The following STMND1 variants were observed in gnomAD, a reference collection of about 807,000 sequenced individuals.
STMND1 encodes the protein stathmin domain-containing protein 1.
In STMND1, 17 loss-of-function variants were observed where a neutral mutation model predicts 23.0. The observed-to-expected ratio is 0.74, with a 90% confidence interval of 0.51 to 1.11. The LOEUF (loss-of-function observed/expected upper bound fraction) is 1.11. Among genes scored for constraint, STMND1 ranks in the 50% least tolerant of loss-of-function variants. The probability of loss-of-function intolerance (pLI) is 0.00; values close to 1 mark genes in which losing one functional copy is unlikely to be tolerated. For synonymous variants in STMND1, 114 were observed against 119.9 expected (o/e 0.95, Z 0.32); for missense variants, 305 against 329.1 (o/e 0.93, Z 0.57).
intron 1 of STMND1, among the ~76,000 whole-genome samples, chr6:17,114,213 T>G (rs1379501366): frequency 6.6e-6 from 1 of 151,950 alleles, no homozygotes. Context: ...AACTAGACAA[T>G]CCTATCTAGG....
At chr6:17,104,432 A>G (rs1227312515) in intron 1 of STMND1, among the ~76,000 whole-genome samples, 2 of 152,122 alleles carry the variant, frequency 1.3e-5, no homozygotes, top group East Asian at 3.9e-4. Context: ...TACTGCTAAA[A>G]CTAATTTCGT....
At chr6:17,109,984 T>C (rs1761075926) in intron 1 of STMND1, among the ~76,000 whole-genome samples, 1 of 152,228 alleles carries the variant, frequency 6.6e-6, no homozygotes, top group Non-Finnish European at 1.5e-5. Context: ...CTTCAGTGCC[T>C]TCCACTGTCT....
chr6:17,120,865 A>G, intron 3 of STMND1, 107 bp downstream of exon 3: 5 of 907,268 alleles, frequency 5.5e-6, no homozygotes, highest in South Asian at 2.1e-5. Context: ...TACAGATAAC[A>G]GCATTTATTT....
chr6:17,105,132 A>T (rs1286679478), intron 1 of STMND1, among the ~76,000 whole-genome samples: 1 of 152,236 alleles, frequency 6.6e-6, no homozygotes, highest in Non-Finnish European at 1.5e-5. Flanking sequence ...CATAGATTAT[A>T]TGCAAATACT....
chr6:17,102,470 G>A, intron 1 of STMND1, 132 bp downstream of exon 1: 2 of 958,728 alleles, frequency 2.1e-6, no homozygotes, highest in Non-Finnish European at 3.1e-6. Flanking sequence ...TTAACAGGTG[G>A]GAGCAACTTT....
At chr6:17,126,034 T>TTATATATATATATATATATA (rs1176278436) in intron 3 of STMND1, among the ~76,000 whole-genome samples, 18 of 42,004 alleles carry the variant, frequency 4.3e-4, no homozygotes, top group African/African-American at 1.0e-3. Context: ...GATCATTGTT[T>TTATATATATATATATATATA]TATATATATA....
At chr6:17,117,529 T>C (rs915088988) in intron 2 of STMND1, among the ~76,000 whole-genome samples, 2 of 152,228 alleles carry the variant, frequency 1.3e-5, no homozygotes, top group Non-Finnish European at 2.9e-5. Flanking sequence ...TTTAGTCTTC[T>C]TTAATCTGAA....
intron 3 of STMND1, among the ~76,000 whole-genome samples, chr6:17,121,657 G>T (rs1400554317): frequency 6.6e-6 from 1 of 152,092 alleles, no homozygotes; most frequent in African/African-American, 2.4e-5. Context: ...AGGACTAAAT[G>T]CCAAAGCTAA....
chr6:17,117,069 T>G (rs1347429801), intron 2 of STMND1, among the ~76,000 whole-genome samples: 4 of 151,954 alleles, frequency 2.6e-5, no homozygotes, highest in South Asian at 2.1e-4. Context: ...ATTACCTTTT[T>G]TTTGTTTGTT....
rs116128198 is a variant in STMND1 at position 17,124,667 on chromosome 6, C to T, written c.411+3909C>T. Among the ~76,000 whole-genome samples, 1,403 of 152,220 alleles carry T rather than the reference C, an allele frequency of 9.2e-3. 24 individuals are homozygous for T. Among genetic ancestry groups the T allele is most frequent in the African/African-American group, 0.032 (1,319 of 41,530 alleles). On this transcript the variant is annotated intron_variant, in intron 3 of 4. Coordinates refer to ENST00000536551, the MANE Select transcript of STMND1 (RefSeq NM_001190766.2). ...TAGTACTCTCTGGATAACCAGCTTTCGAGATGTTTATGCGAGAATATTTTA... is the reference window on the plus strand; with the variant it reads ...TAGTACTCTCTGGATAACCAGCTTTTGAGATGTTTATGCGAGAATATTTTA...
chr6:17,120,644 C>A lies in STMND1; in HGVS notation c.297C>A (p.Ser99=). The change falls in exon 3 of 5, where the codon TCC becomes TCA. Residue 99 remains serine, a synonymous_variant. Transcript: ENST00000536551. ...ATGGATTAATCAATAAACCCCAATC[C>A]CTAGAGAGTCGAGAGCGACAGAAGT... The part of the protein sequence containing the change: ...VTNGLINKPQ[S]LESRERQKSS... 6.5e-7 allele frequency: 1 copy of A among 1,533,802 alleles called. No individual in the cohort carries two copies. The highest frequency in any genetic ancestry group is 8.7e-7 in the Non-Finnish European group (1 of 1,145,924).
At chr6:17,118,941 C>T (rs1258861715) in intron 2 of STMND1, among the ~76,000 whole-genome samples, 1 of 152,174 alleles carries the variant, frequency 6.6e-6, no homozygotes, top group African/African-American at 2.4e-5. Context: ...GTATCAAGTA[C>T]TCAGTATAGT....
rs921648030 is a variant in STMND1, at chr6:17,102,154, G to A, written c.-104G>A. On this transcript the variant is annotated 5_prime_UTR_variant, in exon 1 of 5. Transcript: ENST00000536551. Reference sequence around the variant, plus strand: ...GAGCGCAGTAGCAGGGGCGTAGGGCGCAGGGCGCAGGAGCGCGGGACCACC... The same window carrying A: ...GAGCGCAGTAGCAGGGGCGTAGGGCACAGGGCGCAGGAGCGCGGGACCACC... 13 of 1,184,712 alleles carry A rather than the reference G, an allele frequency of 1.1e-5. No individual in the cohort carries two copies. The South Asian group carries it at 2.4e-4, about 22-fold the overall frequency. The allele number at this position is 1,184,712 out of a possible 1,614,324, so 73.4% of individuals were successfully genotyped here.
At chr6:17,103,028 C>A (rs1329082265) in intron 1 of STMND1, among the ~76,000 whole-genome samples, 1 of 152,074 alleles carries the variant, frequency 6.6e-6, no homozygotes, top group Non-Finnish European at 1.5e-5. Context: ...AGAGCGAGAC[C>A]TAGAGGGATG....
chr6:17,114,265 CTTT>C (rs529561200), intron 1 of STMND1, among the ~76,000 whole-genome samples: 14 of 140,200 alleles, frequency 1.0e-4, no homozygotes, highest in Non-Finnish European at 1.2e-4. Flanking sequence ...ATTAGATTCT[CTTT>C]TTTTTTTTTT....
In STMND1 at chr6:17,102,138, A is replaced by G. The variant is rs2113466602; in HGVS notation, c.-120A>G. The G allele has an allele frequency of 1.0e-6, 1 of 999,704 alleles. No individual in the cohort carries two copies. The highest frequency in any genetic ancestry group is 1.3e-6 in the Non-Finnish European group (1 of 748,600). 61.9% of individuals were successfully genotyped at this position (999,704 alleles called of 1,614,324 possible). ...GAGGCGGGTGGCGCCCGAGCGCAGT[A>G]GCAGGGGCGTAGGGCGCAGGGCGCA... On this transcript the variant is annotated 5_prime_UTR_variant, in exon 1 of 5. Coordinates refer to ENST00000536551, the MANE Select transcript of STMND1 (RefSeq NM_001190766.2).
chr6:17,115,808 C>T lies in STMND1; in HGVS notation c.259+669C>T, dbSNP rs141384919. Among the ~76,000 whole-genome samples the T allele has an allele frequency of 2.6e-5, 4 of 152,268 alleles. No individual in the cohort carries two copies. In the East Asian group the frequency reaches 7.7e-4, roughly 29 times the overall value. On this transcript the variant is annotated intron_variant, in intron 2 of 4. Coordinates refer to ENST00000536551, the MANE Select transcript of STMND1 (RefSeq NM_001190766.2). ...ATTTCAGGGGGGAAGACTTTTGCTCCCCATCACTGTTATTTCTTCTCTAGG... is the reference window on the plus strand; with the variant it reads ...ATTTCAGGGGGGAAGACTTTTGCTCTCCATCACTGTTATTTCTTCTCTAGG...
chr6:17,103,566 C>CT (rs68161737), intron 1 of STMND1, among the ~76,000 whole-genome samples: 2,616 of 82,046 alleles, frequency 0.032, 211 homozygotes, highest in African/African-American at 0.099. Context: ...GACCCATTAC[C>CT]TTTTTTTTTT....
At chr6:17,130,568 T>A in intron 4 of STMND1, 26 bp from the exon 5 acceptor site, 1 of 1,461,178 alleles carries the variant, frequency 6.8e-7, no homozygotes, top group Non-Finnish European at 9.0e-7. Context: ...TCACGCTCTT[T>A]TTCATTCTTT....
Sources: gnomAD v4.1 joint callset for allele counts (sites outside exome capture counted in the v4.1 genomes callset) on GRCh38, gnomAD v4.1.1 for gene constraint, MANE v1.5 for transcripts, NCBI Gene and HGNC (gene_info 2026-07-23, HGNC 2026-07-21) for gene names.